PTPRR: variants seen among roughly 807,000 people sequenced by gnomAD.
PTPRR encodes receptor-type tyrosine-protein phosphatase R.
Under a neutral mutation model 77.2 loss-of-function variants are expected in PTPRR, and 38 were observed. The observed-to-expected ratio is 0.49, with a 90% CI of 0.38 to 0.65. The LOEUF (loss-of-function observed/expected upper bound fraction) is 0.65. Among genes scored for constraint, PTPRR ranks in the 30% least tolerant of loss-of-function variants. The probability of loss-of-function intolerance (pLI) is 0.00; values close to 1 mark genes in which losing one functional copy is unlikely to be tolerated. For synonymous variants in PTPRR, 299 were observed against 283.1 expected (o/e 1.06, Z -0.57); for missense variants, 744 against 799.2 (o/e 0.93, Z 0.83).
intron 10 of PTPRR, among the ~76,000 whole-genome samples, chr12:70,679,780 C>T (rs1385757574): frequency 6.6e-6 from 1 of 152,080 alleles, no homozygotes; most frequent in Non-Finnish European, 1.5e-5. Context: ...TATGTCTTTA[C>T]ATGTGAAGTG....
At chr12:70,862,690 T>C (rs1028112743) in intron 2 of PTPRR, among the ~76,000 whole-genome samples, 2 of 151,588 alleles carry the variant, frequency 1.3e-5, no homozygotes, top group African/African-American at 2.4e-5. Flanking sequence ...TGTATACATA[T>C]GTAACTAACC....
intron 2 of PTPRR, among the ~76,000 whole-genome samples, chr12:70,840,326 C>T (rs777600679): frequency 2.0e-5 from 3 of 152,130 alleles, no homozygotes; most frequent in African/African-American, 7.2e-5. Flanking sequence ...TTCTGACGTC[C>T]TCTCCTGTCT....
At chr12:70,868,798 C>G (rs1449139283) in intron 2 of PTPRR, among the ~76,000 whole-genome samples, 2 of 151,426 alleles carry the variant, frequency 1.3e-5, no homozygotes, top group African/African-American at 4.8e-5. Context: ...AAATGTCCAA[C>G]GATAGACTGG....
intron 10 of PTPRR, among the ~76,000 whole-genome samples, chr12:70,673,580 T>C (rs1887327469): frequency 1.3e-5 from 2 of 152,234 alleles, no homozygotes; most frequent in South Asian, 4.1e-4. Context: ...TATTTACAAA[T>C]AGTTTCATAA....
chr12:70,644,104 T>A (rs915822362), intron 13 of PTPRR, among the ~76,000 whole-genome samples: 4 of 152,168 alleles, frequency 2.6e-5, no homozygotes, highest in Non-Finnish European at 4.4e-5. Context: ...CCAAATAAAT[T>A]GTTTGTTTCT....
At chr12:70,823,108 GACACACACACACACACACACACACAC>G (rs58549756) in intron 2 of PTPRR, among the ~76,000 whole-genome samples, 1 of 139,582 alleles carries the variant, frequency 7.2e-6, no homozygotes. Context: ...CTCTCTCTCT[GACACACACACACACACACACACACAC>G]ACACACACAC....
chr12:70,833,404 T>G (rs1259543070), intron 2 of PTPRR, among the ~76,000 whole-genome samples: 3 of 151,914 alleles, frequency 2.0e-5, no homozygotes, highest in Non-Finnish European at 4.4e-5. Flanking sequence ...GAATTCAGTG[T>G]TTGATTAGTT....
chr12:70,882,585 T>C (rs963214244), intron 2 of PTPRR, among the ~76,000 whole-genome samples: 6 of 152,126 alleles, frequency 3.9e-5, no homozygotes, highest in Non-Finnish European at 5.9e-5. Flanking sequence ...TCTCCCATAG[T>C]GACTGGGAAT....
At chr12:70,913,182 A>G (rs981280858) in intron 1 of PTPRR, among the ~76,000 whole-genome samples, 20 of 152,188 alleles carry the variant, frequency 1.3e-4, no homozygotes, top group African/African-American at 4.6e-4. Flanking sequence ...TCCATTCTTC[A>G]GGTGTAAGAA....
intron 13 of PTPRR, among the ~76,000 whole-genome samples, chr12:70,645,175 A>G (rs954018163): frequency 3.3e-5 from 5 of 152,078 alleles, no homozygotes; most frequent in African/African-American, 1.2e-4. Flanking sequence ...TTGACCAGGG[A>G]AGTTGTGTTT....
At chr12:70,830,945 A>G (rs1274875431) in intron 2 of PTPRR, among the ~76,000 whole-genome samples, 1 of 152,232 alleles carries the variant, frequency 6.6e-6, no homozygotes, top group African/African-American at 2.4e-5. Flanking sequence ...AGTACCTAGC[A>G]CAATGCCTGA....
intron 2 of PTPRR, among the ~76,000 whole-genome samples, chr12:70,887,143 G>A (rs896800578): frequency 6.6e-6 from 1 of 152,070 alleles, no homozygotes; most frequent in Non-Finnish European, 1.5e-5. Context: ...AACTATCCAA[G>A]CTGTCTGTTA....
At chr12:70,894,831 T>C (rs1009062380) in intron 1 of PTPRR, among the ~76,000 whole-genome samples, 2 of 151,770 alleles carry the variant, frequency 1.3e-5, no homozygotes, top group African/African-American at 4.8e-5. Context: ...AGGGTCATCA[T>C]TGTCCAATCA....
intron 1 of PTPRR, among the ~76,000 whole-genome samples, chr12:70,908,840 C>T (rs867893063): frequency 2.0e-5 from 3 of 152,136 alleles, no homozygotes; most frequent in Admixed American, 6.5e-5. Context: ...TGGGCTAAGG[C>T]TCTGCTTTCT....
intron 2 of PTPRR, among the ~76,000 whole-genome samples, chr12:70,820,060 G>T (rs1437691701): frequency 6.6e-6 from 1 of 152,174 alleles, no homozygotes; most frequent in East Asian, 1.9e-4. Flanking sequence ...TAATATGAAA[G>T]AAATGTAACA....
At chr12:70,791,642 A>G (rs756945832) in intron 2 of PTPRR, among the ~76,000 whole-genome samples, 35 of 152,218 alleles carry the variant, frequency 2.3e-4, no homozygotes, top group Non-Finnish European at 3.8e-4. Flanking sequence ...AACTCAATAA[A>G]TATCTTTTGG....
intron 2 of PTPRR, among the ~76,000 whole-genome samples, chr12:70,841,302 G>T (rs1264200623): frequency 6.6e-6 from 1 of 152,098 alleles, no homozygotes; most frequent in African/African-American, 2.4e-5. Flanking sequence ...TAAATGAAAA[G>T]ATTTGATTTT....
chr12:70,749,753 T>C (rs1204609074), intron 5 of PTPRR, among the ~76,000 whole-genome samples: 2 of 152,204 alleles, frequency 1.3e-5, no homozygotes, highest in South Asian at 2.1e-4. Flanking sequence ...GACTCTCCTA[T>C]GGGTCTAACA....
chr12:70,893,810 C>T (rs980756475), intron 1 of PTPRR, among the ~76,000 whole-genome samples: 3 of 151,898 alleles, frequency 2.0e-5, no homozygotes, highest in African/African-American at 7.2e-5. Context: ...CCATACCAAC[C>T]TCACAGTTCC....
Sources: gnomAD v4.1 joint callset for allele counts (sites outside exome capture counted in the v4.1 genomes callset) on GRCh38, gnomAD v4.1.1 for gene constraint, MANE v1.5 for transcripts, NCBI Gene and HGNC (gene_info 2026-07-23, HGNC 2026-07-21) for gene names.